Variants in NR2F1-AS1 observed in about 807,000 individuals in gnomAD.
NR2F1-AS1 encodes NR2F1 regulatory antisense RNA 1.
chr5:93,532,684 G>A (rs542697818), intron 4 of NR2F1-AS1, among the ~76,000 whole-genome samples: 6 of 152,340 alleles, frequency 3.9e-5, no homozygotes, highest in African/African-American at 1.4e-4. Flanking sequence ...CGGTTTGGCA[G>A]GACATATCCA....
chr5:93,573,545 C>G (rs1329321566), intron 1 of NR2F1-AS1, among the ~76,000 whole-genome samples: 1 of 152,184 alleles, frequency 6.6e-6, no homozygotes, highest in African/African-American at 2.4e-5. Context: ...ACTGCAGTGA[C>G]AGGGCTTTCC....
intron 4 of NR2F1-AS1, among the ~76,000 whole-genome samples, chr5:93,537,130 T>C (rs1390241761): frequency 3.9e-5 from 6 of 152,180 alleles, no homozygotes; most frequent in Admixed American, 3.9e-4. Context: ...AATGGACTAA[T>C]ACACTCATCA....
intron 4 of NR2F1-AS1, among the ~76,000 whole-genome samples, chr5:93,470,920 T>A (rs1195323123): frequency 6.6e-6 from 1 of 151,882 alleles, no homozygotes; most frequent in Non-Finnish European, 1.5e-5. Context: ...AAAATTGCCA[T>A]AGAAATTAGC....
chr5:93,470,871 T>A (rs185775695), intron 4 of NR2F1-AS1, among the ~76,000 whole-genome samples: 1 of 151,868 alleles, frequency 6.6e-6, no homozygotes, highest in South Asian at 2.1e-4. Flanking sequence ...ATAATACAAA[T>A]ACTTTAATTG....
chr5:93,466,493 C>T (rs1015710343), intron 4 of NR2F1-AS1, among the ~76,000 whole-genome samples: 12 of 151,928 alleles, frequency 7.9e-5, no homozygotes, highest in South Asian at 2.1e-4. Flanking sequence ...CCCACCACCA[C>T]GCCTGGCTAA....
At chr5:93,421,410 C>A (rs1424468083) in intron 4 of NR2F1-AS1, among the ~76,000 whole-genome samples, 1 of 151,882 alleles carries the variant, frequency 6.6e-6, no homozygotes, top group Non-Finnish European at 1.5e-5. Context: ...TTTCAACAGT[C>A]CCCAAAGTTA....
intron 4 of NR2F1-AS1, among the ~76,000 whole-genome samples, chr5:93,551,952 T>C (rs1752240452): frequency 6.6e-6 from 1 of 152,142 alleles, no homozygotes; most frequent in Non-Finnish European, 1.5e-5. Context: ...CTGAAAAGCG[T>C]AGCAGCACTC....
chr5:93,585,275 C>G (rs368393456), upstream of NR2F1-AS1: 1 of 1,598,176 alleles, frequency 6.3e-7, no homozygotes, highest in Non-Finnish European at 8.5e-7. Context: ...AGCAGCACAT[C>G]GAGTGCGTGG....
At chr5:93,484,132 C>T (rs902015947) in intron 4 of NR2F1-AS1, among the ~76,000 whole-genome samples, 3 of 151,968 alleles carry the variant, frequency 2.0e-5, no homozygotes, top group Non-Finnish European at 2.9e-5. Flanking sequence ...GAAGAGCAAC[C>T]CCAAGACACA....
intron 4 of NR2F1-AS1, among the ~76,000 whole-genome samples, chr5:93,489,314 T>C (rs941634204): frequency 6.6e-6 from 1 of 151,268 alleles, no homozygotes; most frequent in Admixed American, 6.6e-5. Flanking sequence ...TCAGCAGCCA[T>C]CAACATCTAG....
At chr5:93,432,266 T>C (rs767250219) in intron 4 of NR2F1-AS1, 1 of 152,168 alleles carries the variant, frequency 6.6e-6, no homozygotes, top group Non-Finnish European at 1.5e-5. Flanking sequence ...CTAGACCCGA[T>C]GATTTCAATG....
At chr5:93,581,978 CTCTCTCTCTCTCCCCTCTCCTCTCT>C (rs1291390630), upstream of NR2F1-AS1, among the ~76,000 whole-genome samples, 4 of 119,050 alleles carry the variant, frequency 3.4e-5, no homozygotes, top group Non-Finnish European at 5.2e-5. Context: ...TCTCTCTCCT[CTCTCTCTCTCTCCCCTCTCCTCTCT>C]TCTCTCTCTC....
chr5:93,441,789 C>T (rs969224930), intron 4 of NR2F1-AS1, among the ~76,000 whole-genome samples: 1 of 152,192 alleles, frequency 6.6e-6, no homozygotes, highest in Admixed American at 6.5e-5. Flanking sequence ...TCCAATGTGC[C>T]TGTAACATTA....
At chr5:93,556,107 T>A (rs1309803367) in intron 2 of NR2F1-AS1, among the ~76,000 whole-genome samples, 1 of 152,140 alleles carries the variant, frequency 6.6e-6, no homozygotes, top group Non-Finnish European at 1.5e-5. Context: ...CAGGACTTTA[T>A]CCCATGTTCT....
intron 4 of NR2F1-AS1, among the ~76,000 whole-genome samples, chr5:93,487,529 C>T (rs1750751626): frequency 6.6e-6 from 1 of 152,174 alleles, no homozygotes; most frequent in African/African-American, 2.4e-5. Flanking sequence ...AGGAATACAA[C>T]TGACAAGGGA....
intron 2 of NR2F1-AS1, among the ~76,000 whole-genome samples, chr5:93,557,257 A>G (rs1485190134): frequency 6.6e-6 from 1 of 152,210 alleles, no homozygotes; most frequent in Non-Finnish European, 1.5e-5. Context: ...CTGACCCATA[A>G]TACAACCAAA....
intron 4 of NR2F1-AS1, among the ~76,000 whole-genome samples, chr5:93,446,739 T>C (rs1044626596): frequency 2.0e-5 from 3 of 152,046 alleles, no homozygotes; most frequent in Admixed American, 2.0e-4. Context: ...GAGCCCACAT[T>C]GCCAAGACAA....
At chr5:93,424,016 C>T (rs1281082815) in intron 4 of NR2F1-AS1, among the ~76,000 whole-genome samples, 1 of 152,164 alleles carries the variant, frequency 6.6e-6, no homozygotes, top group African/African-American at 2.4e-5. Context: ...TCACACTGCA[C>T]AGATCCCCTC....
chr5:93,539,458 A>G (rs562210945), intron 4 of NR2F1-AS1, among the ~76,000 whole-genome samples: 1 of 152,196 alleles, frequency 6.6e-6, no homozygotes, highest in African/African-American at 2.4e-5. Flanking sequence ...TTGTGACAAC[A>G]TGGATGAACC....
Sources: allele counts gnomAD v4.1 joint callset (sites outside exome capture counted in the v4.1 genomes callset), GRCh38; gene constraint gnomAD v4.1.1; transcripts MANE v1.5; gene names NCBI Gene and HGNC (gene_info 2026-07-23, HGNC 2026-07-21).